The following SLC27A2 variants were observed in gnomAD, a reference collection of about 807,000 sequenced individuals.
SLC27A2 encodes the protein long-chain fatty acid transport protein 2.
A neutral mutation model predicts 60.0 loss-of-function variants in SLC27A2; 54 were observed. That is an observed-to-expected ratio of 0.90 (90% CI 0.72 to 1.13). The LOEUF is 1.13. SLC27A2 is among the 50% of genes most tolerant of loss of function. The pLI, the probability that SLC27A2 is intolerant of heterozygous loss-of-function variation, is 0.00. For missense variants in SLC27A2, 739 were observed against 777.6 expected, an observed-to-expected ratio of 0.95 and a Z score of 0.59; for synonymous variants, 297 against 297.6, an observed-to-expected ratio of 1.00 and a Z score of 0.02.
At chr15:50,196,053 CAAAAA>C (rs1163958587) in intron 1 of SLC27A2, among the ~76,000 whole-genome samples, 11 of 1,816 alleles carry the variant, frequency 6.1e-3, no homozygotes, top group African/African-American at 0.011. Context: ...GACTCTGTCT[CAAAAA>C]AAAAAAAAAA....
At chr15:50,202,108 A>G (rs2045068934) in intron 2 of SLC27A2, among the ~76,000 whole-genome samples, 3 of 152,210 alleles carry the variant, frequency 2.0e-5, no homozygotes, top group African/African-American at 7.2e-5. Flanking sequence ...TTCTCTTCAG[A>G]TTACTACTGT....
At chr15:50,203,127 G>A (rs1008408948) in intron 3 of SLC27A2, among the ~76,000 whole-genome samples, 4 of 151,840 alleles carry the variant, frequency 2.6e-5, no homozygotes, top group Admixed American at 6.6e-5. Flanking sequence ...GTTCAAGATT[G>A]CAGTGAGCTG....
chr15:50,200,379 T>C (rs1056144005), intron 2 of SLC27A2, among the ~76,000 whole-genome samples: 1 of 152,020 alleles, frequency 6.6e-6, no homozygotes, highest in Admixed American at 6.6e-5. Flanking sequence ...TGAACACCAC[T>C]ACACTCCAGC....
At chr15:50,185,798 T>G (rs2044916760) in intron 1 of SLC27A2, among the ~76,000 whole-genome samples, 1 of 151,774 alleles carries the variant, frequency 6.6e-6, no homozygotes, top group African/African-American at 2.4e-5. Flanking sequence ...CCCGGATAAT[T>G]TTTTGTATTT....
At chr15:50,202,158 T>G (rs1022457501) in intron 2 of SLC27A2, among the ~76,000 whole-genome samples, 1 of 152,212 alleles carries the variant, frequency 6.6e-6, no homozygotes, top group African/African-American at 2.4e-5. Flanking sequence ...CTATGGCTTG[T>G]GGGCCAAATA....
chr15:50,183,523 A>G (rs916320094), intron 1 of SLC27A2, among the ~76,000 whole-genome samples: 4 of 152,170 alleles, frequency 2.6e-5, no homozygotes, highest in Admixed American at 2.6e-4. Flanking sequence ...GGGATCTGCT[A>G]CAGGACCGTT....
intron 4 of SLC27A2, among the ~76,000 whole-genome samples, chr15:50,219,409 C>G (rs530737121): frequency 3.3e-5 from 5 of 152,000 alleles, no homozygotes; most frequent in African/African-American, 4.8e-5. Context: ...GTGTGTGGCA[C>G]TCTCTCTTTG....
intron 1 of SLC27A2, among the ~76,000 whole-genome samples, chr15:50,188,392 T>A (rs1223272024): frequency 1.3e-5 from 2 of 151,970 alleles, no homozygotes; most frequent in Middle Eastern, 6.8e-3. Flanking sequence ...GGACAGGAAA[T>A]GGAAAAAATA....
intron 4 of SLC27A2, among the ~76,000 whole-genome samples, chr15:50,218,411 A>C (rs2045218236): frequency 6.6e-6 from 1 of 152,192 alleles, no homozygotes; most frequent in Non-Finnish European, 1.5e-5. Flanking sequence ...ATGATCAAAG[A>C]AATAGTACAG....
intron 1 of SLC27A2, among the ~76,000 whole-genome samples, chr15:50,196,082 ATATATATATATAT>A (rs2045019506): frequency 8.8e-4 from 5 of 5,684 alleles, no homozygotes; most frequent in African/African-American, 3.6e-3. Flanking sequence ...AAAAAAATAT[ATATATATATATAT>A]ATATATATAT....
At chr15:50,200,154 C>A (rs1001494775) in intron 2 of SLC27A2, among the ~76,000 whole-genome samples, 2 of 152,246 alleles carry the variant, frequency 1.3e-5, no homozygotes, top group South Asian at 2.1e-4. Context: ...AGAGGCCAGG[C>A]ATGATGGCTC....
intron 1 of SLC27A2, among the ~76,000 whole-genome samples, chr15:50,191,842 T>C (rs113196577): frequency 0.12 from 17,892 of 152,172 alleles, 1,069 homozygotes; most frequent in Middle Eastern, 0.14. Flanking sequence ...GGCGGATCAC[T>C]TGAGGTTGGG....
intron 8 of SLC27A2, among the ~76,000 whole-genome samples, chr15:50,229,856 C>T (rs2045304779): frequency 1.3e-5 from 2 of 152,128 alleles, no homozygotes; most frequent in Admixed American, 1.3e-4. Flanking sequence ...ATTTGGGATT[C>T]CCACCCATAT....
In SLC27A2 at chr15:50,227,097, T is replaced by G. The variant is rs138859946; in HGVS notation, c.1376T>G (p.Leu459Arg). 3.7e-5 allele frequency: 59 copies of G among 1,614,052 alleles called. No individual in the cohort carries two copies. The highest frequency in any genetic ancestry group is 1.0e-4 in the Admixed American group (6 of 60,032). Residue 459 changes from leucine to arginine, a missense_variant, in exon 7 of 10, where the codon CTC (leucine) becomes CGC (arginine). Leu to Arg is a moderately radical substitution (Grantham distance 102). Transcript: ENST00000267842. ...KLRDVFKKGDLYFNSGDLLMV... is the reference protein window; with the variant it reads ...KLRDVFKKGDRYFNSGDLLMV... ...AGAGATGTCTTTAAGAAAGGAGACCTCTATTTCAACAGTGGAGATCTCTTA... is the reference window on the plus strand; with the variant it reads ...AGAGATGTCTTTAAGAAAGGAGACCGCTATTTCAACAGTGGAGATCTCTTA...
chr15:50,224,550 C>T (rs1384369826), intron 5 of SLC27A2, among the ~76,000 whole-genome samples: 1 of 152,218 alleles, frequency 6.6e-6, no homozygotes, highest in Admixed American at 6.5e-5. Context: ...GATAATCACT[C>T]TATTTCTTAT....
chr15:50,202,157 G>C (rs931946911), intron 2 of SLC27A2, among the ~76,000 whole-genome samples: 1 of 152,166 alleles, frequency 6.6e-6, no homozygotes, highest in Non-Finnish European at 1.5e-5. Context: ...TCTATGGCTT[G>C]TGGGCCAAAT....
At chr15:50,194,843 A>G (rs909266410) in intron 1 of SLC27A2, among the ~76,000 whole-genome samples, 1 of 148,848 alleles carries the variant, frequency 6.7e-6, no homozygotes, top group Admixed American at 6.6e-5. Flanking sequence ...GGGGCAAAAG[A>G]AAAAAAAAGA....
intron 8 of SLC27A2, among the ~76,000 whole-genome samples, chr15:50,229,753 C>T (rs1291590753): frequency 6.6e-6 from 1 of 152,110 alleles, no homozygotes; most frequent in Non-Finnish European, 1.5e-5. Context: ...GACAATAAAT[C>T]ACATTAATAA....
chr15:50,201,790 T>C (rs558007540), intron 2 of SLC27A2, among the ~76,000 whole-genome samples: 7 of 151,890 alleles, frequency 4.6e-5, no homozygotes, highest in South Asian at 2.1e-4. Flanking sequence ...CTCCTGACCT[T>C]GTGATCCGCC....
Sources: gnomAD v4.1 joint callset for allele counts (sites outside exome capture counted in the v4.1 genomes callset) on GRCh38, gnomAD v4.1.1 for gene constraint, MANE v1.5 for transcripts, NCBI Gene and HGNC (gene_info 2026-07-23, HGNC 2026-07-21) for gene names.